Variants in BIRC6 observed in about 807,000 individuals in gnomAD.
BIRC6 encodes baculoviral IAP repeat containing 6.
Under a neutral mutation model 503.3 loss-of-function variants are expected in BIRC6, and 98 were observed. That is an observed-to-expected ratio of 0.19 (90% confidence interval 0.17 to 0.23). The LOEUF is 0.23. BIRC6 is among the 10% of genes least tolerant of loss of function. The pLI is 1.00. For missense variants in BIRC6, 5,360 were observed against 5,806.0 expected (o/e 0.92, Z 2.50); for synonymous variants, 2,240 against 2,078.7 (o/e 1.08, Z -2.11).
chr2:32,361,899 A>G (rs1405290890), intron 1 of BIRC6, among the ~76,000 whole-genome samples: 2 of 152,040 alleles, frequency 1.3e-5, no homozygotes, highest in East Asian at 1.9e-4. Flanking sequence ...ATAATATTCC[A>G]TTGTCTGGAT....
At chr2:32,453,535 T>A (rs992641877) in intron 22 of BIRC6, among the ~76,000 whole-genome samples, 1 of 152,188 alleles carries the variant, frequency 6.6e-6, no homozygotes, top group Non-Finnish European at 1.5e-5. Flanking sequence ...TTACTAAATG[T>A]AAGTTTCATG....
intron 10 of BIRC6, among the ~76,000 whole-genome samples, chr2:32,424,390 T>G (rs1251490120): frequency 6.6e-6 from 1 of 152,160 alleles, no homozygotes. Flanking sequence ...TGTTTCCACA[T>G]TTTGGCTATT....
intron 49 of BIRC6, 35 bp from the exon 50 acceptor site, chr2:32,504,970 A>T (rs1452013766): frequency 6.5e-7 from 1 of 1,536,074 alleles, no homozygotes; most frequent in Admixed American, 1.8e-5. Context: ...TTTCTTTTGC[A>T]AGTTCTTATA....
At position 32,525,340 on chromosome 2, in the gene BIRC6, A is replaced by T. The variant is rs1018766923; in HGVS notation, c.11756-124A>T. 1.2e-5 allele frequency: 13 copies of T among 1,043,532 alleles called. No homozygotes were observed. The Admixed American group carries it at 1.7e-4, about 13-fold the overall frequency. The allele number at this position is 1,043,532 out of a possible 1,614,324, so 64.6% of individuals were successfully genotyped here. A position where few individuals can be genotyped will look rare whatever the true frequency, so the allele number is the denominator to read the frequency against. ...TTGGGAGATTAGATATTGGATTAGA[A>T]GGAACATTTCTGTTTTCTGACATTA... is the stretch of plus-strand genomic sequence containing the variant. On this transcript the variant is annotated intron_variant, in intron 58 of 73. Coordinates refer to ENST00000421745, the MANE Select transcript of BIRC6 (RefSeq NM_016252.4).
At chr2:32,453,751 A>T in intron 22 of BIRC6, 57 bp from the exon 23 acceptor site, 1 of 1,524,238 alleles carries the variant, frequency 6.6e-7, no homozygotes, top group Non-Finnish European at 9.1e-7. Context: ...TATTGTTGTG[A>T]CTATTGCTTT....
chr2:32,485,208 G>C (rs566363214), intron 39 of BIRC6, among the ~76,000 whole-genome samples: 1 of 152,226 alleles, frequency 6.6e-6, no homozygotes, highest in Admixed American at 6.5e-5. Flanking sequence ...TTGTGTGTGC[G>C]TGTGAACACA....
chr2:32,443,058 C>T (rs1252818216), intron 19 of BIRC6, among the ~76,000 whole-genome samples: 1 of 152,094 alleles, frequency 6.6e-6, no homozygotes, highest in Non-Finnish European at 1.5e-5. Context: ...TAAAATAGAA[C>T]AGTTATAATA....
intron 3 of BIRC6, among the ~76,000 whole-genome samples, chr2:32,387,469 A>C (rs539861474): frequency 6.6e-6 from 1 of 152,222 alleles, no homozygotes; most frequent in Non-Finnish European, 1.5e-5. Context: ...CAATTACATT[A>C]TAGACTTATT....
intron 31 of BIRC6, 88 bp downstream of exon 31, chr2:32,470,389 AATT>A: frequency 8.1e-7 from 1 of 1,236,802 alleles, no homozygotes; most frequent in Non-Finnish European, 1.1e-6. Context: ...ATACTTTAAT[AATT>A]ATTTGCAGCA....
At chr2:32,605,163 G>A (rs1172960920) in intron 71 of BIRC6, among the ~76,000 whole-genome samples, 6 of 152,082 alleles carry the variant, frequency 3.9e-5, no homozygotes, top group South Asian at 2.1e-4. Context: ...GATTACAGGC[G>A]TTAGCCAACG....
At position 32,469,419 on chromosome 2, in the gene BIRC6, A is replaced by G; in HGVS notation, c.6152A>G (p.Gln2051Arg). Residue 2051 changes from glutamine (Q) to arginine (R), a missense_variant, in exon 30 of 74, where the codon CAG becomes CGG. Transcript: ENST00000421745. ...GGACACTCTGTTCCTGCAGTTTTGCAGAGCACATTTCATGCCCAGGCCTGT... is the reference window on the plus strand; with the variant it reads ...GGACACTCTGTTCCTGCAGTTTTGCGGAGCACATTTCATGCCCAGGCCTGT... ...SNGHSVPAVL[Q>R]STFHAQACEE... 1.2e-6 allele frequency: 2 copies of G among 1,613,572 alleles called. No homozygotes were observed. Among genetic ancestry groups the G allele is most frequent in the South Asian group, 1.1e-5 (1 of 90,954 alleles).
At chr2:32,460,998 C>CTCTCT (rs1244077881) in intron 23 of BIRC6, among the ~76,000 whole-genome samples, 3,703 of 88,654 alleles carry the variant, frequency 0.042, 126 homozygotes, top group Admixed American at 0.056. Context: ...CTCTGCTCTG[C>CTCTCT]TCTCTTCTCT....
At chr2:32,439,918 C>T (rs1325244945) in intron 16 of BIRC6, among the ~76,000 whole-genome samples, 4 of 152,068 alleles carry the variant, frequency 2.6e-5, no homozygotes, top group African/African-American at 9.7e-5. Context: ...TCACTCTTTC[C>T]CCCAGGCTGG....
chr2:32,389,631 A>G (rs903445773), intron 4 of BIRC6, among the ~76,000 whole-genome samples: 3 of 152,240 alleles, frequency 2.0e-5, no homozygotes, highest in African/African-American at 7.2e-5. Flanking sequence ...AAGGTTTAGA[A>G]ATGCTGTACT....
At chr2:32,562,940 CTATT>C (rs1559059977) in intron 65 of BIRC6, among the ~76,000 whole-genome samples, 1 of 152,092 alleles carries the variant, frequency 6.6e-6, no homozygotes, top group African/African-American at 2.4e-5. Context: ...TTTCACTGAT[CTATT>C]TGTTTATTCT....
chr2:32,485,532 G>C (rs182188010), intron 39 of BIRC6, 111 bp from the exon 40 acceptor site: 232 of 673,542 alleles, frequency 3.4e-4, no homozygotes, highest in Non-Finnish European at 7.6e-6. Flanking sequence ...TGTTCTGTAA[G>C]AACACACTCT....
intron 64 of BIRC6, among the ~76,000 whole-genome samples, chr2:32,548,325 T>C (rs1294513271): frequency 1.3e-5 from 2 of 151,336 alleles, no homozygotes; most frequent in African/African-American, 4.8e-5. Flanking sequence ...CTTTTTTTTT[T>C]TTTTAAGTGT....
chr2:32,380,125 A>AT (rs968011642), intron 2 of BIRC6, 28 bp from the exon 3 acceptor site: 27 of 1,436,888 alleles, frequency 1.9e-5, no homozygotes, highest in African/African-American at 5.8e-5. Flanking sequence ...ATTTTCTGTG[A>AT]TTTTTTTATT....
intron 6 of BIRC6, among the ~76,000 whole-genome samples, chr2:32,396,601 A>G (rs2039918905): frequency 6.6e-6 from 1 of 152,236 alleles, no homozygotes; most frequent in Non-Finnish European, 1.5e-5. Context: ...GATACCTGAA[A>G]CAGCAGATAG....
Sources: gnomAD v4.1 joint callset for allele counts (sites outside exome capture counted in the v4.1 genomes callset) on GRCh38, gnomAD v4.1.1 for gene constraint, MANE v1.5 for transcripts, NCBI Gene and HGNC (gene_info 2026-07-23, HGNC 2026-07-21) for gene names.